SLC35E2B: variants seen among roughly 807,000 people sequenced by gnomAD.
SLC35E2B encodes the protein solute carrier family 35, member E2B.
SLC35E2B carries 18 observed loss-of-function variants against 32.4 expected under a neutral mutation model. The ratio of observed to expected loss-of-function variants is 0.56; its 90% CI spans 0.38 to 0.82. The LOEUF (loss-of-function observed/expected upper bound fraction) is 0.82. Ranked by LOEUF, SLC35E2B falls within the 40% of genes least tolerant of loss-of-function variation. The pLI is 0.00. For missense variants in SLC35E2B, 263 were observed against 469.5 expected, an observed-to-expected ratio of 0.56 and a Z score of 4.06; for synonymous variants, 132 against 209.1, an observed-to-expected ratio of 0.63 and a Z score of 3.18.
intron 5 of SLC35E2B, chr1:1,671,885 T>C (rs1194375937): frequency 6.4e-6 from 2 of 312,860 alleles, no homozygotes; most frequent in Non-Finnish European, 1.2e-5. Flanking sequence ...GCCCCAGCCA[T>C]GGGCAGGTGA....
rs563984686 is a variant in SLC35E2B at position 1,670,772 on chromosome 1, T to C, written c.708-621A>G. ...TCAAAATCTCACCACAAACCTGTTT[T>C]GATTATCAGTAATAATGATAAACTC... On this transcript the variant is annotated intron_variant, in intron 6 of 9. Transcript: ENST00000617444. 27 of 152,390 alleles carry C rather than the reference T, an allele frequency of 1.8e-4. No homozygotes were observed. The South Asian group carries it at 2.5e-3, about 14-fold the overall frequency. The allele number at this position is 152,390 out of a possible 1,614,324, so 9.4% of individuals were successfully genotyped here.
chr1:1,688,111 T>TA (rs1643973598), intron 2 of SLC35E2B, among the ~76,000 whole-genome samples: 1 of 151,736 alleles, frequency 6.6e-6, no homozygotes, highest in Admixed American at 6.6e-5. Context: ...CGTAACACAG[T>TA]AAAGGATCAG....
rs562197727 is a variant in SLC35E2B at position 1,679,597 on chromosome 1, T to C, written c.-147-2751A>G. 1.3e-4 allele frequency among the ~76,000 whole-genome samples: 19 copies of C among 145,078 alleles called. No individual in the cohort carries two copies. In the East Asian group the frequency reaches 2.9e-3, roughly 22 times the overall value. On this transcript the variant is annotated intron_variant, in intron 2 of 9. Coordinates refer to ENST00000617444, the MANE Select transcript of SLC35E2B (RefSeq NM_001290264.2). ...ATCCCAGCACTTTGGGAGGCCAAGG[T>C]GGGCGGATCACCTGAGCTCAGGAGT...
chr1:1,680,347 A>G (rs1258060135), intron 2 of SLC35E2B, among the ~76,000 whole-genome samples: 1 of 152,130 alleles, frequency 6.6e-6, no homozygotes, highest in African/African-American at 2.4e-5. Flanking sequence ...CTTAAACAAG[A>G]AGCCGACTGC....
At position 1,675,599 on chromosome 1, in the gene SLC35E2B, G is replaced by C; in HGVS notation, c.459-9C>G. ...AAACCACAGTTGCAAACCTAAAAAT[G>C]AGCCAAAAGCACCATCACCTTAGAA... On this transcript the variant is annotated splice_polypyrimidine_tract_variant and intron_variant, in intron 4 of 9. Transcript: ENST00000617444. The C allele has an allele frequency of 1.3e-6, 2 of 1,535,760 alleles. No homozygotes were observed. Among genetic ancestry groups the C allele is most frequent in the Non-Finnish European group, 1.7e-6 (2 of 1,143,624 alleles).
At position 1,670,175 on chromosome 1, in the gene SLC35E2B, G is replaced by A. The variant is rs1286656123; in HGVS notation, c.708-24C>T. 3 of 1,518,830 alleles carry A rather than the reference G, an allele frequency of 2.0e-6. No individual in the cohort carries two copies. In the African/African-American group the frequency reaches 4.1e-5, roughly 21 times the overall value. 94.1% of individuals were successfully genotyped at this position (1,518,830 alleles called of 1,614,324 possible). A position where few individuals can be genotyped will look rare whatever the true frequency, so the allele number is the denominator to read the frequency against. On this transcript the variant is annotated intron_variant, in intron 6 of 9. Coordinates refer to ENST00000617444, the MANE Select transcript of SLC35E2B (RefSeq NM_001290264.2). ...AACTAGAATAAAGAAAAGAGGTTAT[G>A]CATCAATACTAGTCCTCGGCACGGA...
chr1:1,675,658 C>T, intron 4 of SLC35E2B, 68 bp from the exon 5 acceptor site: 5 of 1,364,978 alleles, frequency 3.7e-6, no homozygotes, highest in Non-Finnish European at 4.9e-6. Context: ...CGGGCAGGCT[C>T]TCCAAGGGGC....
chr1:1,678,511 C>T (rs576709521), intron 2 of SLC35E2B, among the ~76,000 whole-genome samples: 23 of 152,210 alleles, frequency 1.5e-4, no homozygotes, highest in South Asian at 1.0e-3. Flanking sequence ...CCCATCACAC[C>T]GCCAGCTCAG....
At chr1:1,687,438 A>T (rs1480370734) in intron 2 of SLC35E2B, among the ~76,000 whole-genome samples, 1 of 151,986 alleles carries the variant, frequency 6.6e-6, no homozygotes, top group East Asian at 1.9e-4. Flanking sequence ...ATTAGTCTCT[A>T]CTAAAAAAAC....
At chr1:1,687,667 G>A (rs1259517920) in intron 2 of SLC35E2B, among the ~76,000 whole-genome samples, 5 of 151,816 alleles carry the variant, frequency 3.3e-5, no homozygotes, top group Admixed American at 6.6e-5. Flanking sequence ...CCCGGGAGGC[G>A]GAGGTTGCAG....
At chr1:1,683,476 C>T (rs937746819) in intron 2 of SLC35E2B, among the ~76,000 whole-genome samples, 4 of 152,220 alleles carry the variant, frequency 2.6e-5, no homozygotes, top group South Asian at 2.1e-4. Flanking sequence ...GCCGCAGAGA[C>T]GCGCAGGCAA....
At chr1:1,687,943 C>A (rs999537997) in intron 2 of SLC35E2B, among the ~76,000 whole-genome samples, 1 of 152,078 alleles carries the variant, frequency 6.6e-6, no homozygotes, top group Non-Finnish European at 1.5e-5. Flanking sequence ...TCATTCTCCA[C>A]AAAGCCAACC....
rs145983223 is a variant in SLC35E2B, at chr1:1,684,572, A to G, written c.-148+6404T>C. ...TGTGGGAGGCCGAGGCGGGTGGATC[A>G]CAAGGTCAGGAGATTGAGACCATCC... On this transcript the variant is annotated intron_variant, in intron 2 of 9. Coordinates refer to ENST00000617444, the MANE Select transcript of SLC35E2B (RefSeq NM_001290264.2). 3.4e-3 allele frequency among the ~76,000 whole-genome samples: 523 copies of G among 152,154 alleles called. 8 individuals are homozygous for G. The highest frequency in any genetic ancestry group is 0.012 in the African/African-American group (507 of 41,500).
At position 1,675,181 on chromosome 1, in the gene SLC35E2B, C is replaced by G. The variant is rs1442718316; in HGVS notation, c.586+282G>C. ...TGGCACCTGCAGTAATCTTGCTTGC[C>G]AGGAATCTGCCCAGCCCCCACCTGT... On this transcript the variant is annotated intron_variant, in intron 5 of 9. Coordinates refer to ENST00000617444, the MANE Select transcript of SLC35E2B (RefSeq NM_001290264.2). Among the ~76,000 whole-genome samples, 19 of 134,580 alleles carry G rather than the reference C, an allele frequency of 1.4e-4. 1 individual carries two copies. Among genetic ancestry groups the G allele is most frequent in the African/African-American group, 4.5e-4 (18 of 39,888 alleles). 88.3% of individuals were successfully genotyped at this position (134,580 alleles called of 152,430 possible).
Position 1,676,174 on chromosome 1 carries a change from C to T in SLC35E2B, c.348G>A (p.Thr116=), listed in dbSNP as rs543058753. The part of the protein sequence containing the change: ...MLGAVQMLST[T]VIGCVKTLVP... ...CGAGGGTTTTCACACACCCGATAAC[C>T]GTGGTGGACAGCATCTGCACCGCAC... The change falls in exon 4 of 10, where the codon ACG becomes ACA. Residue 116 remains threonine, a synonymous_variant. Transcript: ENST00000617444. The T allele has an allele frequency of 6.6e-5, 83 of 1,248,416 alleles. 10 individuals are homozygous for T. In the South Asian group the frequency reaches 7.5e-4, roughly 11 times the overall value. 77.3% of individuals were successfully genotyped at this position (1,248,416 alleles called of 1,614,324 possible). A position where few individuals can be genotyped will look rare whatever the true frequency, so the allele number is the denominator to read the frequency against.
chr1:1,680,250 G>A (rs530945190), intron 2 of SLC35E2B, among the ~76,000 whole-genome samples: 8 of 152,084 alleles, frequency 5.3e-5, no homozygotes, highest in South Asian at 2.1e-4. Flanking sequence ...GCAGTGAGCC[G>A]TGATTGTGCC....
In SLC35E2B at chr1:1,664,897, C is replaced by T; in HGVS notation, c.*885G>A. ...TCTGAGGGAGGACAGACAGGCTCACCCCACGGGGACCTCAGAACAGCCTGC... is the reference window on the plus strand; with the variant it reads ...TCTGAGGGAGGACAGACAGGCTCACTCCACGGGGACCTCAGAACAGCCTGC... On this transcript the variant is annotated 3_prime_UTR_variant, in exon 10 of 10. Transcript: ENST00000617444. The T allele has an allele frequency of 1.1e-6, 1 of 937,012 alleles. No homozygotes were observed. Among genetic ancestry groups the T allele is most frequent in the Non-Finnish European group, 1.3e-6 (1 of 789,096 alleles). The allele number at this position is 937,012 out of a possible 1,614,324, so 58.0% of individuals were successfully genotyped here.
chr1:1,679,115 G>A (rs1643878434), intron 2 of SLC35E2B, among the ~76,000 whole-genome samples: 1 of 152,140 alleles, frequency 6.6e-6, no homozygotes, highest in Admixed American at 6.5e-5. Context: ...CCGCTACACA[G>A]GCTCTGCCAC....
At chr1:1,666,095 G>C (rs991216520) in intron 9 of SLC35E2B, 76 bp from the exon 10 acceptor site, 1 of 1,475,270 alleles carries the variant, frequency 6.8e-7, no homozygotes. Flanking sequence ...GCTCGGCTGA[G>C]CCTGGGTCTG....
Sources: gnomAD v4.1 joint callset for allele counts (sites outside exome capture counted in the v4.1 genomes callset) on GRCh38, gnomAD v4.1.1 for gene constraint, MANE v1.5 for transcripts, NCBI Gene and HGNC (gene_info 2026-07-23, HGNC 2026-07-21) for gene names.